Variants in SLX9 observed in about 807,000 individuals in gnomAD.
SLX9 encodes ribosome biogenesis protein SLX9 homolog.
Under a neutral mutation model 20.8 loss-of-function variants are expected in SLX9, and 19 were observed. The ratio of observed to expected loss-of-function variants is 0.91; its 90% CI spans 0.64 to 1.34. The LOEUF is 1.34. SLX9 is among the 40% of genes most tolerant of loss of function. The probability of loss-of-function intolerance (pLI) is 0.00; values close to 1 mark genes in which losing one functional copy is unlikely to be tolerated. For missense variants in SLX9, 299 were observed against 322.2 expected, an observed-to-expected ratio of 0.93 and a Z score of 0.55; for synonymous variants, 113 against 137.1, an observed-to-expected ratio of 0.82 and a Z score of 1.23.
At chr21:44,967,755 C>G (rs953446805) in intron 4 of SLX9, among the ~76,000 whole-genome samples, 1 of 152,180 alleles carries the variant, frequency 6.6e-6, no homozygotes, top group African/African-American at 2.4e-5. Context: ...GGGACCCACT[C>G]ATGCAGGGCC....
chr21:44,968,569 AAGG>A (rs1436306828), intron 4 of SLX9, among the ~76,000 whole-genome samples: 1 of 152,108 alleles, frequency 6.6e-6, no homozygotes, highest in African/African-American at 2.4e-5. Context: ...ATGCACGTGA[AAGG>A]AGAGCAGCCT....
chr21:44,950,856 G>A (rs112523423), intron 2 of SLX9, among the ~76,000 whole-genome samples: 1,556 of 152,272 alleles, frequency 0.01, 37 homozygotes, highest in African/African-American at 0.035. Flanking sequence ...GCGAAAGGGG[G>A]GTGTCGGGGG....
chr21:44,955,186 C>T (rs1295181067), intron 2 of SLX9, among the ~76,000 whole-genome samples: 3 of 145,222 alleles, frequency 2.1e-5, no homozygotes, highest in Non-Finnish European at 4.5e-5. Context: ...CCAGCCTGGG[C>T]GACAGAGTGG....
intron 3 of SLX9, among the ~76,000 whole-genome samples, chr21:44,960,509 T>G (rs1411752245): frequency 6.6e-6 from 1 of 152,222 alleles, no homozygotes; most frequent in African/African-American, 2.4e-5. Context: ...TTTGTAAAAA[T>G]TACCTATTTT....
At chr21:44,940,716 G>A (rs1286810952) in intron 1 of SLX9, among the ~76,000 whole-genome samples, 2 of 128,798 alleles carry the variant, frequency 1.6e-5, no homozygotes, top group East Asian at 2.1e-4. Context: ...TTTGACCGAT[G>A]TGTCTTGGTG....
At position 44,956,500 on chromosome 21, in the gene SLX9, C is replaced by T. The variant is rs17004720; in HGVS notation, c.284-3600C>T. ...ACCACGAGATGCTGCTGGCATGTGC[C>T]GCTTCAGCTGGTGACCTGGGTGGTG... On this transcript the variant is annotated intron_variant, in intron 2 of 5. Transcript: ENST00000291634. 8.0e-3 allele frequency among the ~76,000 whole-genome samples: 1,211 copies of T among 152,290 alleles called. 20 individuals are homozygous for T. The highest frequency in any genetic ancestry group is 0.028 in the African/African-American group (1,155 of 41,546).
intron 4 of SLX9, among the ~76,000 whole-genome samples, chr21:44,970,673 T>C (rs1018080902): frequency 6.6e-6 from 1 of 152,194 alleles, no homozygotes; most frequent in Non-Finnish European, 1.5e-5. Flanking sequence ...CTGATGTGCT[T>C]TGGGCTTGAG....
chr21:44,959,810 G>C (rs928203807), intron 2 of SLX9, among the ~76,000 whole-genome samples: 2 of 152,224 alleles, frequency 1.3e-5, no homozygotes, highest in Non-Finnish European at 2.9e-5. Flanking sequence ...GGGCATGAGT[G>C]GGGAGGAGGC....
In SLX9 at chr21:44,962,191, A is replaced by G. The variant is rs113884155; in HGVS notation, c.352+2023A>G. On this transcript the variant is annotated intron_variant, in intron 3 of 5. Coordinates refer to ENST00000291634, the MANE Select transcript of SLX9 (RefSeq NM_058190.4). ...CTTTTGAAGATTGTATTTACATAAA[A>G]TGAAATGCAAATCTAAAGTGTGCCA... Among the ~76,000 whole-genome samples the G allele has an allele frequency of 9.8e-3, 1,488 of 152,296 alleles. 35 individuals carry two copies. Among genetic ancestry groups the G allele is most frequent in the African/African-American group, 0.034 (1,396 of 41,536 alleles).
intron 5 of SLX9, 42 bp from the exon 6 acceptor site, chr21:44,976,638 C>T (rs753361498): frequency 6.4e-6 from 10 of 1,560,852 alleles, no homozygotes; most frequent in Middle Eastern, 4.4e-4. Context: ...CTGAGGGGTC[C>T]GGGGGTTCCT....
chr21:44,957,508 G>T (rs1186363026), intron 2 of SLX9, among the ~76,000 whole-genome samples: 1 of 152,246 alleles, frequency 6.6e-6, no homozygotes, highest in African/African-American at 2.4e-5. Flanking sequence ...GTCCAGCTCA[G>T]ATACAGGCGC....
At chr21:44,959,483 A>AT (rs1419358880) in intron 2 of SLX9, among the ~76,000 whole-genome samples, 2 of 151,988 alleles carry the variant, frequency 1.3e-5, no homozygotes, top group East Asian at 3.9e-4. Context: ...CCCCCAGCAA[A>AT]TGAGCCTCCT....
chr21:44,950,597 G>A (rs13048694), intron 2 of SLX9, among the ~76,000 whole-genome samples: 1 of 152,236 alleles, frequency 6.6e-6, no homozygotes, highest in Non-Finnish European at 1.5e-5. Context: ...TTGTTGAGAC[G>A]CTAGACCAGG....
chr21:44,964,255 G>A (rs1601409185), intron 3 of SLX9, among the ~76,000 whole-genome samples: 2 of 152,256 alleles, frequency 1.3e-5, no homozygotes, highest in East Asian at 3.9e-4. Context: ...CTAATATCAT[G>A]CATTAGGTCT....
In SLX9 at chr21:44,976,752, C is replaced by T. The variant is rs745924335; in HGVS notation, c.642C>T (p.Ile214=). 25 of 1,559,062 alleles carry T rather than the reference C, an allele frequency of 1.6e-5. No homozygotes were observed. Among genetic ancestry groups the T allele is most frequent in the Non-Finnish European group, 1.8e-5 (21 of 1,153,014 alleles). ...PAYRASPLVA[I]GQTLARQMQL... is the part of the protein sequence containing the mutation. ...ACAGAGCCAGCCCCCTGGTGGCCATCGGGCAGACGCTGGCCCGGCAGATGC... is the reference window on the plus strand; with the variant it reads ...ACAGAGCCAGCCCCCTGGTGGCCATTGGGCAGACGCTGGCCCGGCAGATGC... Residue 214 remains isoleucine (I), a synonymous_variant, in exon 6 of 6, where the codon ATC becomes ATT. Coordinates refer to ENST00000291634, the MANE Select transcript of SLX9 (RefSeq NM_058190.4).
rs189734595 is a variant in SLX9, at chr21:44,967,615, C to G, written c.500+434C>G. Among the ~76,000 whole-genome samples the G allele has an allele frequency of 3.1e-3, 472 of 152,314 alleles. 2 individuals carry two copies. Among genetic ancestry groups the G allele is most frequent in the Non-Finnish European group, 5.1e-3 (347 of 67,998 alleles). ...TCGTGCCTCTGACAGGGGCTGCAGT[C>G]TCCCCTCCTGAGTGGACCTTTCCCT... On this transcript the variant is annotated intron_variant, in intron 4 of 5. Transcript: ENST00000291634.
At chr21:44,954,278 G>T (rs968208623) in intron 2 of SLX9, among the ~76,000 whole-genome samples, 1 of 152,150 alleles carries the variant, frequency 6.6e-6, no homozygotes, top group Non-Finnish European at 1.5e-5. Flanking sequence ...CTTCTGGCCG[G>T]TGGGTTGCTG....
chr21:44,939,991 G>A (rs552173721), upstream of SLX9: 5 of 1,356,354 alleles, frequency 3.7e-6, no homozygotes, highest in Admixed American at 1.9e-4. Flanking sequence ...TGTTTCCGCC[G>A]GGCGGCGAGA....
At chr21:44,939,998 G>A (rs2294170), upstream of SLX9, 89,930 of 1,368,080 alleles carry the variant, frequency 0.066, 3,174 homozygotes, top group East Asian at 0.12. Flanking sequence ...GCCGGGCGGC[G>A]AGAACGCAGG....
Sources: gnomAD v4.1 joint callset for allele counts (sites outside exome capture counted in the v4.1 genomes callset) on GRCh38, gnomAD v4.1.1 for gene constraint, MANE v1.5 for transcripts, NCBI Gene and HGNC (gene_info 2026-07-23, HGNC 2026-07-21) for gene names.